Variants in ACSM3 observed in about 807,000 individuals in gnomAD.
The protein encoded by ACSM3 is acyl-coenzyme A synthetase ACSM3, mitochondrial.
In ACSM3, 61 loss-of-function variants were observed where a neutral mutation model predicts 74.1. The ratio of observed to expected loss-of-function variants is 0.82; its 90% CI spans 0.67 to 1.02. The LOEUF is 1.02. Ranked by LOEUF, ACSM3 falls within the 50% of genes least tolerant of loss-of-function variation. ACSM3 has a pLI of 0.00. For missense variants in ACSM3, 660 were observed against 697.0 expected, an observed-to-expected ratio of 0.95 and a Z score of 0.60; for synonymous variants, 213 against 241.5, an observed-to-expected ratio of 0.88 and a Z score of 1.09.
intron 1 of ACSM3, among the ~76,000 whole-genome samples, chr16:20,746,362 T>C (rs535902372): frequency 6.6e-6 from 1 of 152,350 alleles, no homozygotes; most frequent in South Asian, 2.1e-4. Context: ...TTCTCTAATT[T>C]AATGGTTCTT....
At chr16:20,712,248 C>A (rs891060518) in intron 1 of ACSM3, among the ~76,000 whole-genome samples, 5 of 152,120 alleles carry the variant, frequency 3.3e-5, no homozygotes, top group African/African-American at 1.2e-4. Flanking sequence ...GGAGTAGTTA[C>A]AACAGAAACC....
chr16:20,709,952 G>T (rs191214346), intron 1 of ACSM3, among the ~76,000 whole-genome samples: 128 of 152,296 alleles, frequency 8.4e-4, no homozygotes, highest in African/African-American at 2.9e-3. Context: ...TAAGTGAGAT[G>T]TCAGGCACAT....
chr16:20,712,543 TA>T (rs975757381), intron 1 of ACSM3, among the ~76,000 whole-genome samples: 2 of 151,456 alleles, frequency 1.3e-5, no homozygotes, highest in Non-Finnish European at 2.9e-5. Flanking sequence ...TCCTAAGATG[TA>T]AAAAAAAGAG....
intron 1 of ACSM3, among the ~76,000 whole-genome samples, chr16:20,714,875 C>A (rs1010373342): frequency 3.3e-5 from 5 of 152,164 alleles, no homozygotes; most frequent in African/African-American, 7.2e-5. Context: ...CCTGGAAAGA[C>A]ATAACTCAGA....
intron 1 of ACSM3, among the ~76,000 whole-genome samples, chr16:20,723,129 C>A (rs1448721824): frequency 6.6e-6 from 1 of 151,912 alleles, no homozygotes; most frequent in Non-Finnish European, 1.5e-5. Context: ...TAAGAACATG[C>A]GGTGTTTGGT....
At chr16:20,676,473 G>A (rs557345625) in intron 1 of ACSM3, among the ~76,000 whole-genome samples, 1 of 152,308 alleles carries the variant, frequency 6.6e-6, no homozygotes, top group South Asian at 2.1e-4. Flanking sequence ...TCAGTGCATG[G>A]TGGACACAGC....
chr16:20,686,820 A>G (rs1286549344), intron 1 of ACSM3, among the ~76,000 whole-genome samples: 1 of 151,584 alleles, frequency 6.6e-6, no homozygotes, highest in Non-Finnish European at 1.5e-5. Context: ...GAAAAAAAAA[A>G]AGTTTAACTA....
chr16:20,702,493 T>G (rs981901312), intron 1 of ACSM3, among the ~76,000 whole-genome samples: 1 of 152,256 alleles, frequency 6.6e-6, no homozygotes. Context: ...GACTTTTTAA[T>G]AATCACCATT....
At chr16:20,724,540 C>A (rs1480468896) in intron 1 of ACSM3, among the ~76,000 whole-genome samples, 1 of 152,096 alleles carries the variant, frequency 6.6e-6, no homozygotes, top group Admixed American at 6.5e-5. Flanking sequence ...GGCAATCAGG[C>A]AGGAGAAGGA....
intron 4 of ACSM3, chr16:20,780,506 C>T: frequency 1.1e-6 from 1 of 935,476 alleles, no homozygotes; most frequent in Non-Finnish European, 1.6e-6. Context: ...TATAAATGGG[C>T]CTTTGATGAC....
rs1458805449 is a variant in ACSM3, at chr16:20,736,916, T to C, written c.-189-12994T>C. 4 of 1,614,198 alleles carry C rather than the reference T, an allele frequency of 2.5e-6. No homozygotes were observed. In the East Asian group the frequency reaches 8.9e-5, roughly 36 times the overall value. ...CATTTTCATTTGACTTGGATCCTTC[T>C]GTGGCTTGACTTGCAAGTTCAGGTT... is the stretch of plus-strand genomic sequence containing the variant. On this transcript the variant is annotated intron_variant, in intron 1 of 3. Transcript: ENST00000561584.
intron 1 of ACSM3, among the ~76,000 whole-genome samples, chr16:20,710,982 A>G (rs2079742172): frequency 6.6e-6 from 1 of 151,980 alleles, no homozygotes; most frequent in Non-Finnish European, 1.5e-5. Flanking sequence ...GCTACTTGGG[A>G]GGCTAAAGCA....
chr16:20,701,056 A>G (rs141146760), intron 1 of ACSM3, among the ~76,000 whole-genome samples: 1 of 152,274 alleles, frequency 6.6e-6, no homozygotes, highest in East Asian at 1.9e-4. Flanking sequence ...GGGAGTGAAT[A>G]AAAAGAATCA....
At chr16:20,691,751 ATGTGTGTGTG>A (rs59929923) in intron 1 of ACSM3, among the ~76,000 whole-genome samples, 5,914 of 133,984 alleles carry the variant, frequency 0.044, 186 homozygotes, top group African/African-American at 0.092. Flanking sequence ...TACCTCTCCA[ATGTGTGTGTG>A]TGTGTGTGTG....
chr16:20,773,234 C>T (rs1321155141), intron 2 of ACSM3, among the ~76,000 whole-genome samples: 1 of 151,974 alleles, frequency 6.6e-6, no homozygotes, highest in East Asian at 1.9e-4. Flanking sequence ...TTTTTCATTT[C>T]TGATTTTATT....
chr16:20,682,341 C>G (rs61740631), intron 1 of ACSM3: 31,297 of 1,614,046 alleles, frequency 0.019, 396 homozygotes, highest in Non-Finnish European at 0.022. Flanking sequence ...CACTGAGAAG[C>G]TATGGAGTCC....
At chr16:20,775,438 A>C (rs1275119544) in intron 2 of ACSM3, among the ~76,000 whole-genome samples, 1 of 152,106 alleles carries the variant, frequency 6.6e-6, no homozygotes, top group East Asian at 1.9e-4. Context: ...TGTACTGCTG[A>C]GGATCTTCCA....
chr16:20,716,407 C>G (rs373223136), intron 1 of ACSM3, among the ~76,000 whole-genome samples: 2 of 152,056 alleles, frequency 1.3e-5, no homozygotes, highest in Non-Finnish European at 2.9e-5. Flanking sequence ...GGAAGACTGC[C>G]CTGCCACACC....
chr16:20,741,587 A>G (rs1183111874), intron 1 of ACSM3: 1 of 1,572,266 alleles, frequency 6.4e-7, no homozygotes, highest in Non-Finnish European at 8.6e-7. Context: ...GCTCGTTCAT[A>G]TTGCAGGTGA....
Sources: gnomAD v4.1 joint callset for allele counts (sites outside exome capture counted in the v4.1 genomes callset) on GRCh38, gnomAD v4.1.1 for gene constraint, MANE v1.5 for transcripts, NCBI Gene and HGNC (gene_info 2026-07-23, HGNC 2026-07-21) for gene names.